The following MLLT3 variants were observed in gnomAD, a reference collection of about 807,000 sequenced individuals.
The protein encoded by MLLT3 is MLLT3 super elongation complex subunit, also known as protein AF-9.
Under a neutral mutation model 53.2 loss-of-function variants are expected in MLLT3, and 4 were observed. The observed-to-expected ratio is 0.08, with a 90% CI of 0.04 to 0.17. The LOEUF is 0.17. Ranked by LOEUF, MLLT3 falls within the 10% of genes least tolerant of loss-of-function variation. The probability of loss-of-function intolerance (pLI) is 1.00; values close to 1 mark genes in which losing one functional copy is unlikely to be tolerated. For synonymous variants in MLLT3, 283 were observed against 230.6 expected (o/e 1.23, Z -2.06); for missense variants, 569 against 684.0 (o/e 0.83, Z 1.87).
chr9:20,522,950 A>T (rs964773344), intron 2 of MLLT3, among the ~76,000 whole-genome samples: 2 of 152,090 alleles, frequency 1.3e-5, no homozygotes, highest in Non-Finnish European at 2.9e-5. Flanking sequence ...CAACAGAGTG[A>T]GACCCTGTCT....
At chr9:20,577,659 T>C (rs1317373767) in intron 2 of MLLT3, among the ~76,000 whole-genome samples, 1 of 152,206 alleles carries the variant, frequency 6.6e-6, no homozygotes, top group Non-Finnish European at 1.5e-5. Flanking sequence ...GAAGACAGAC[T>C]TCTGCCAGAC....
intron 2 of MLLT3, among the ~76,000 whole-genome samples, chr9:20,561,866 G>T (rs569166786): frequency 2.0e-5 from 3 of 151,758 alleles, no homozygotes; most frequent in Non-Finnish European, 4.4e-5. Context: ...TGTCCTACTC[G>T]CTGCGTATCA....
intron 5 of MLLT3, among the ~76,000 whole-genome samples, chr9:20,390,392 T>C (rs1822153015): frequency 6.6e-6 from 1 of 152,178 alleles, no homozygotes; most frequent in Non-Finnish European, 1.5e-5. Context: ...TCTACAATTG[T>C]ATAAAGATCA....
chr9:20,412,605 A>G (rs1469916305), intron 5 of MLLT3, among the ~76,000 whole-genome samples: 1 of 152,232 alleles, frequency 6.6e-6, no homozygotes, highest in Non-Finnish European at 1.5e-5. Context: ...CATTTAAACT[A>G]GAGACATCTG....
chr9:20,344,973 T>C lies in MLLT3; in HGVS notation c.*1470A>G, dbSNP rs974240354. The C allele has an allele frequency of 1.4e-5, 3 of 216,366 alleles. No homozygotes were observed. Among genetic ancestry groups the C allele is most frequent in the Non-Finnish European group, 2.8e-5 (3 of 107,414 alleles). 13.4% of individuals were successfully genotyped at this position (216,366 alleles called of 1,614,324 possible). On this transcript the variant is annotated 3_prime_UTR_variant, in exon 11 of 11. Coordinates refer to ENST00000380338, the MANE Select transcript of MLLT3 (RefSeq NM_004529.4). The stretch of plus-strand genomic sequence containing the variant: ...TTCATTTCTCTTCTTTTCGGCTGAA[T>C]TTCTAGTAAAAACTTTGAAGATGAG...
intron 2 of MLLT3, among the ~76,000 whole-genome samples, chr9:20,514,151 T>C (rs1484586333): frequency 6.6e-6 from 1 of 152,216 alleles, no homozygotes; most frequent in Non-Finnish European, 1.5e-5. Flanking sequence ...GGATTTTCCT[T>C]GCAGTATGGA....
At chr9:20,532,053 C>T (rs1215890958) in intron 2 of MLLT3, among the ~76,000 whole-genome samples, 1 of 152,028 alleles carries the variant, frequency 6.6e-6, no homozygotes, top group Non-Finnish European at 1.5e-5. Flanking sequence ...AAAACGATTG[C>T]AAGTTGTTTT....
intron 5 of MLLT3, among the ~76,000 whole-genome samples, chr9:20,395,865 A>G (rs1425215052): frequency 6.6e-6 from 1 of 152,192 alleles, no homozygotes; most frequent in Non-Finnish European, 1.5e-5. Context: ...AAGAGCCAAC[A>G]AAAGTACTGA....
chr9:20,537,532 A>T (rs1158304388), intron 2 of MLLT3, among the ~76,000 whole-genome samples: 2 of 152,160 alleles, frequency 1.3e-5, no homozygotes, highest in Non-Finnish European at 2.9e-5. Context: ...TTTTTCACCC[A>T]TTTACACTTT....
At chr9:20,487,222 C>A (rs1824836369) in intron 2 of MLLT3, among the ~76,000 whole-genome samples, 1 of 152,036 alleles carries the variant, frequency 6.6e-6, no homozygotes, top group Non-Finnish European at 1.5e-5. Flanking sequence ...CATTTCTTCT[C>A]CTGGTCTGCT....
chr9:20,361,565 G>A (rs1260758860), intron 7 of MLLT3, among the ~76,000 whole-genome samples: 7 of 152,098 alleles, frequency 4.6e-5, no homozygotes, highest in South Asian at 4.1e-4. Context: ...TTGGAAATAC[G>A]CTACAACAAC....
At chr9:20,395,304 G>A (rs942511079) in intron 5 of MLLT3, among the ~76,000 whole-genome samples, 22 of 152,210 alleles carry the variant, frequency 1.4e-4, no homozygotes, top group Non-Finnish European at 2.9e-4. Context: ...TATTTCAAAC[G>A]CTAAATGTTA....
At chr9:20,421,799 G>C (rs781399597) in intron 4 of MLLT3, among the ~76,000 whole-genome samples, 1 of 152,010 alleles carries the variant, frequency 6.6e-6, no homozygotes. Flanking sequence ...TGTCAAAATA[G>C]GTACTTAAAT....
At chr9:20,549,384 C>A (rs1214120643) in intron 2 of MLLT3, among the ~76,000 whole-genome samples, 3 of 152,070 alleles carry the variant, frequency 2.0e-5, no homozygotes, top group African/African-American at 7.2e-5. Flanking sequence ...TGGTTTATAA[C>A]AACAACAACG....
chr9:20,568,060 A>G (rs1258640540), intron 2 of MLLT3, among the ~76,000 whole-genome samples: 1 of 152,176 alleles, frequency 6.6e-6, no homozygotes, highest in Non-Finnish European at 1.5e-5. Flanking sequence ...GGTGACAGAA[A>G]TAAGTACTCA....
At chr9:20,544,891 TC>T (rs773203611) in intron 2 of MLLT3, among the ~76,000 whole-genome samples, 11 of 151,908 alleles carry the variant, frequency 7.2e-5, no homozygotes, top group Non-Finnish European at 1.3e-4. Flanking sequence ...TTGAGACCAA[TC>T]TAGGCAACAA....
intron 2 of MLLT3, among the ~76,000 whole-genome samples, chr9:20,536,401 G>A (rs1818487316): frequency 6.6e-6 from 1 of 152,124 alleles, no homozygotes; most frequent in Non-Finnish European, 1.5e-5. Context: ...TCTGACTCCA[G>A]ATTTTGATGG....
rs149139138 is a variant in MLLT3 at position 20,501,038 on chromosome 9, G to A, written c.194-44252C>T. ...GATACACACACACATGCACACACAT[G>A]TGCACCACTTTCCTTAGCTAAATAT... On this transcript the variant is annotated intron_variant, in intron 2 of 10. Coordinates refer to ENST00000380338, the MANE Select transcript of MLLT3 (RefSeq NM_004529.4). 6.2e-3 allele frequency among the ~76,000 whole-genome samples: 948 copies of A among 152,180 alleles called. 8 individuals are homozygous for A. Among genetic ancestry groups the A allele is most frequent in the African/African-American group, 0.02 (850 of 41,506 alleles).
chr9:20,583,749 C>T (rs1819869303), intron 2 of MLLT3, among the ~76,000 whole-genome samples: 1 of 152,162 alleles, frequency 6.6e-6, no homozygotes, highest in Non-Finnish European at 1.5e-5. Context: ...CACCAAGTCC[C>T]TATGCTGCAC....
Sources: gnomAD v4.1 joint callset for allele counts (sites outside exome capture counted in the v4.1 genomes callset) on GRCh38, gnomAD v4.1.1 for gene constraint, MANE v1.5 for transcripts, NCBI Gene and HGNC (gene_info 2026-07-23, HGNC 2026-07-21) for gene names.